The following NPAT variants were observed in gnomAD, a reference collection of about 807,000 sequenced individuals.
NPAT encodes protein NPAT.
NPAT carries 52 observed loss-of-function variants against 130.7 expected under a neutral mutation model. That is an observed-to-expected ratio of 0.40 (90% CI 0.32 to 0.50). The LOEUF is 0.50. Among genes scored for constraint, NPAT ranks in the 20% least tolerant of loss-of-function variants. NPAT has a pLI of 0.68. For missense variants in NPAT, 1,687 were observed against 1,662.6 expected, an observed-to-expected ratio of 1.01 and a Z score of -0.26; for synonymous variants, 580 against 584.8, an observed-to-expected ratio of 0.99 and a Z score of 0.12.
At chr11:108,209,705 T>C (rs7948117) in intron 1 of NPAT, among the ~76,000 whole-genome samples, 82,586 of 151,302 alleles carry the variant, frequency 0.55, 22,910 homozygotes, top group Middle Eastern at 0.73. Context: ...CTGGCTAACA[T>C]GGTGAAACCT....
rs369058502 is a variant in NPAT at position 108,173,158 on chromosome 11, G to C, written c.1826C>G (p.Ser609Cys). The C allele has an allele frequency of 1.5e-5, 24 of 1,613,554 alleles. No homozygotes were observed. The African/African-American group carries it at 1.6e-4, about 11-fold the overall frequency. ...TACATTTAAATGTGAACTTTCAACA[G>C]ACACAGGTAGTATTTCACTTTGAAG... is the stretch of plus-strand genomic sequence containing the variant. ...SCLQSEILPV[S>C]VESSHLNVSG... Residue 609 changes from serine to cysteine, a missense_variant, in exon 13 of 18, where the codon TCT (serine) becomes TGT (cysteine). Physicochemically the swap from Ser to Cys is moderately radical, Grantham distance 112. Coordinates refer to ENST00000278612, the MANE Select transcript of NPAT (RefSeq NM_002519.3).
At chr11:108,210,964 T>C (rs544558173) in intron 1 of NPAT, among the ~76,000 whole-genome samples, 15 of 152,330 alleles carry the variant, frequency 9.8e-5, no homozygotes, top group African/African-American at 3.4e-4. Context: ...CTCATGCCTA[T>C]AATCCCAGCA....
chr11:108,169,854 TG>T lies in NPAT; in HGVS notation c.2902-3del. 6.2e-7 allele frequency: 1 copy of T among 1,613,312 alleles called. No individual in the cohort carries two copies. Among genetic ancestry groups the T allele is most frequent in the Non-Finnish European group, 8.5e-7 (1 of 1,179,276 alleles). The stretch of plus-strand genomic sequence containing the variant: ...TGCTGTCAAAGGCATATGAAGAACC[TG>T]GAAGAGAAAAAGCCATTAATTACAC... On this transcript the variant is annotated splice_polypyrimidine_tract_variant and splice_region_variant and intron_variant, in intron 14 of 17. Coordinates refer to ENST00000278612, the MANE Select transcript of NPAT (RefSeq NM_002519.3).
chr11:108,209,302 T>TAAATAAATAA lies in NPAT; in HGVS notation c.38-11892_38-11883dup. 4.7e-5 allele frequency among the ~76,000 whole-genome samples: 7 copies of TAAATAAATAA among 150,026 alleles called. No individual in the cohort carries two copies. In the East Asian group the frequency reaches 1.4e-3, roughly 30 times the overall value. On this transcript the variant is annotated intron_variant, in intron 1 of 17. Transcript: ENST00000278612. ...GTCAAAAATAAATAACTAAATAAAA[T>TAAATAAATAA]AAATAAATAAATAAAAAGATAAGCC...
rs2077846284 is a variant in NPAT, at chr11:108,161,320, C to T, written c.3766G>A (p.Val1256Ile). ...TCACTACTATCAGCAAGCCTACTTA[C>T]TGAGCTGTGCCTCTGTATATCCTGT... ...MLQDIQRHSSVSRLADSSDLP... is the reference protein window; with the variant it reads ...MLQDIQRHSSISRLADSSDLP... Residue 1256 changes from valine to isoleucine, a missense_variant, in exon 17 of 18, where the codon GTA becomes ATA. Around this residue, in one of 3 missense-constraint regions of NPAT, gnomAD observed 1,379 missense variants for 1,346.6 expected, o/e 1.02. Coordinates refer to ENST00000278612, the MANE Select transcript of NPAT (RefSeq NM_002519.3). 6.2e-7 allele frequency: 1 copy of T among 1,614,110 alleles called. No homozygotes were observed. Among genetic ancestry groups the T allele is most frequent in the African/African-American group, 1.3e-5 (1 of 74,934 alleles).
Position 108,162,000 on chromosome 11 carries a change from T to C in NPAT, c.3086A>G (p.Asp1029Gly). The C allele has an allele frequency of 6.2e-7, 1 of 1,608,884 alleles. No homozygotes were observed. Among genetic ancestry groups the C allele is most frequent in the Non-Finnish European group, 8.5e-7 (1 of 1,177,886 alleles). ...GCHAQKTEVS[D>G]KSIATDLGKK... Reference sequence around the variant, plus strand: ...CCCAAGATCTGTGGCAATACTTTTGTCAGAAACTTCAGTTCTAAAACAAAA... The same window carrying C: ...CCCAAGATCTGTGGCAATACTTTTGCCAGAAACTTCAGTTCTAAAACAAAA... The change falls in exon 17 of 18, where the codon GAC becomes GGC. Residue 1029 changes from aspartate (D) to glycine (G), a missense_variant. Physicochemically the swap from Asp to Gly is moderately conservative, Grantham distance 94 (BLOSUM62 -1). Around this residue, in one of 3 missense-constraint regions of NPAT, gnomAD observed 1,379 missense variants for 1,346.6 expected, o/e 1.02. Coordinates refer to ENST00000278612, the MANE Select transcript of NPAT (RefSeq NM_002519.3).
Position 108,157,291 on chromosome 11 carries a change from CTG to C in NPAT, c.*1649_*1650del, listed in dbSNP as rs1429436514. 4.6e-5 allele frequency: 7 copies of C among 152,074 alleles called. No individual in the cohort carries two copies. The East Asian group carries it at 1.2e-3, about 25-fold the overall frequency. The allele number at this position is 152,074 out of a possible 1,614,324, so 9.4% of individuals were successfully genotyped here. Reference sequence around the variant, plus strand: ...AACTATGAATTGAATAAGAAGAAAACTGTGATTTTCAGCATTGTACAAACTCC... The same window carrying C: ...AACTATGAATTGAATAAGAAGAAAACTGATTTTCAGCATTGTACAAACTCC... On this transcript the variant is annotated 3_prime_UTR_variant, in exon 18 of 18. Coordinates refer to ENST00000278612, the MANE Select transcript of NPAT (RefSeq NM_002519.3).
chr11:108,205,925 A>T (rs2078320933), intron 1 of NPAT, among the ~76,000 whole-genome samples: 1 of 152,136 alleles, frequency 6.6e-6, no homozygotes, highest in African/African-American at 2.4e-5. Context: ...CTCGCCTGTA[A>T]TCTCAGCTAC....
chr11:108,194,636 T>A (rs560212865), intron 2 of NPAT, among the ~76,000 whole-genome samples: 1 of 152,300 alleles, frequency 6.6e-6, no homozygotes, highest in Admixed American at 6.5e-5. Flanking sequence ...ATCTTCGTTG[T>A]CACCAGTTTT....
chr11:108,212,851 C>T (rs1478527611), intron 1 of NPAT, among the ~76,000 whole-genome samples: 1 of 141,260 alleles, frequency 7.1e-6, no homozygotes. Flanking sequence ...GAGGCTGAGG[C>T]AGGGGAATCA....
At chr11:108,171,539 C>T (rs2077951752) in intron 13 of NPAT, 1 of 150,598 alleles carries the variant, frequency 6.6e-6, no homozygotes, top group Admixed American at 6.6e-5. Flanking sequence ...GGCTGAAGTG[C>T]AATGGCATGA....
chr11:108,159,135 T>C (rs1438625349), intron 17 of NPAT, 116 bp from the exon 18 acceptor site: 2 of 657,198 alleles, frequency 3.0e-6, no homozygotes, highest in Admixed American at 2.5e-5. Context: ...TGTCAAACTT[T>C]TTTAGTCTAT....
intron 2 of NPAT, among the ~76,000 whole-genome samples, chr11:108,195,026 C>T (rs558821429): frequency 1.3e-5 from 2 of 152,072 alleles, no homozygotes; most frequent in Admixed American, 1.3e-4. Context: ...GTTTCACTAT[C>T]TTGGCCAGGA....
chr11:108,160,815 G>T, intron 17 of NPAT, 65 bp downstream of exon 17: 1 of 1,435,666 alleles, frequency 7.0e-7, no homozygotes, highest in Non-Finnish European at 9.6e-7. Flanking sequence ...AAGAACTGCT[G>T]AATTCGCTAA....
In NPAT at chr11:108,173,858, AG is replaced by A; in HGVS notation, c.1133-8del. On this transcript the variant is annotated splice_polypyrimidine_tract_variant and splice_region_variant and intron_variant, in intron 12 of 17. Transcript: ENST00000278612. Reference sequence around the variant, plus strand: ...GGCTGACCAGACTGACCATCTGCAAAGTATCAGGCAGGTAGACAGATATGGT... The same window carrying A: ...GGCTGACCAGACTGACCATCTGCAAATATCAGGCAGGTAGACAGATATGGT... 1.2e-6 allele frequency: 2 copies of A among 1,612,272 alleles called. No individual in the cohort carries two copies. Among genetic ancestry groups the A allele is most frequent in the Non-Finnish European group, 8.5e-7 (1 of 1,178,354 alleles).
chr11:108,222,369 G>T, intron 1 of NPAT, 131 bp downstream of exon 1: 1 of 905,270 alleles, frequency 1.1e-6, no homozygotes, highest in Non-Finnish European at 1.8e-6. Flanking sequence ...AAGAATCACC[G>T]CCAGTCTCAA....
intron 2 of NPAT, among the ~76,000 whole-genome samples, chr11:108,194,825 ATT>A (rs1416760021): frequency 3.2e-4 from 40 of 125,222 alleles, no homozygotes; most frequent in East Asian, 2.4e-4. Context: ...TGTTTTCAGT[ATT>A]TTTTTTTTTT....
intron 12 of NPAT, among the ~76,000 whole-genome samples, chr11:108,174,416 T>C (rs1408732928): frequency 1.3e-5 from 2 of 152,130 alleles, no homozygotes; most frequent in East Asian, 1.9e-4. Context: ...CAAAGATGAA[T>C]GATCCAATCT....
At chr11:108,170,816 A>T (rs2077943307) in intron 13 of NPAT, among the ~76,000 whole-genome samples, 2 of 152,302 alleles carry the variant, frequency 1.3e-5, no homozygotes, top group Non-Finnish European at 2.9e-5. Flanking sequence ...CTTTAGCTCA[A>T]GCCCCACATT....
Sources: allele counts gnomAD v4.1 joint callset (sites outside exome capture counted in the v4.1 genomes callset), GRCh38; gene constraint gnomAD v4.1.1; regional missense constraint gnomAD v4.1.1; transcripts MANE v1.5; gene names NCBI Gene and HGNC (gene_info 2026-07-23, HGNC 2026-07-21).